CWH43: variants seen among roughly 807,000 people sequenced by gnomAD.
The protein encoded by CWH43 is PGAP2-interacting protein.
Under a neutral mutation model 85.7 loss-of-function variants are expected in CWH43, and 91 were observed. The ratio of observed to expected loss-of-function variants is 1.06; its 90% CI spans 0.90 to 1.26. CWH43 has a LOEUF of 1.26. Among genes scored for constraint, CWH43 ranks in the 50% most tolerant of loss-of-function variants. The probability of loss-of-function intolerance (pLI) is 0.00; values close to 1 mark genes in which losing one functional copy is unlikely to be tolerated. For synonymous variants in CWH43, 323 were observed against 293.6 expected, an observed-to-expected ratio of 1.10 and a Z score of -1.02; for missense variants, 869 against 839.2, an observed-to-expected ratio of 1.04 and a Z score of -0.44.
intron 8 of CWH43, among the ~76,000 whole-genome samples, chr4:49,008,140 C>T (rs555976183): frequency 6.6e-6 from 1 of 152,248 alleles, no homozygotes; most frequent in Non-Finnish European, 1.5e-5. Context: ...TCTGTTGTTT[C>T]CTGAGTTTTT....
chr4:49,019,578 G>T (rs536081582), intron 9 of CWH43, among the ~76,000 whole-genome samples: 8 of 148,450 alleles, frequency 5.4e-5, no homozygotes, highest in South Asian at 4.3e-4. Context: ...AATGTCAATA[G>T]TTTTTTTTTT....
chr4:48,995,970 C>T (rs1316570606), intron 5 of CWH43, among the ~76,000 whole-genome samples: 2 of 151,880 alleles, frequency 1.3e-5, no homozygotes, highest in African/African-American at 2.4e-5. Context: ...AGTTCCCCCC[C>T]ACCAATACCT....
intron 6 of CWH43, chr4:49,003,473 C>G (rs1005371896): frequency 6.2e-5 from 25 of 401,248 alleles, no homozygotes; most frequent in Non-Finnish European, 1.1e-4. Context: ...CTAAAAATAC[C>G]CTTTTCACTC....
At chr4:49,005,994 T>C (rs934970701) in intron 7 of CWH43, among the ~76,000 whole-genome samples, 6 of 152,242 alleles carry the variant, frequency 3.9e-5, no homozygotes, top group African/African-American at 1.2e-4. Context: ...GAATTTGGTA[T>C]TTCTGGTAAA....
chr4:49,039,565 A>G (rs2109821538), intron 13 of CWH43, among the ~76,000 whole-genome samples: 1 of 150,050 alleles, frequency 6.7e-6, no homozygotes, highest in African/African-American at 2.4e-5. Flanking sequence ...TCTTGAGATA[A>G]TATCTGCAGA....
At chr4:49,004,883 A>G (rs1182871890) in intron 7 of CWH43, among the ~76,000 whole-genome samples, 1 of 152,184 alleles carries the variant, frequency 6.6e-6, no homozygotes, top group Non-Finnish European at 1.5e-5. Context: ...TTATAATTTC[A>G]TAAACTTAGT....
rs139269375 is a variant in CWH43 at position 48,998,939 on chromosome 4, T to C, written c.802+391T>C. Among the ~76,000 whole-genome samples, 36 of 152,316 alleles carry C rather than the reference T, an allele frequency of 2.4e-4. 1 individual carries two copies. Among genetic ancestry groups the C allele is most frequent in the African/African-American group, 8.7e-4 (36 of 41,580 alleles). On this transcript the variant is annotated intron_variant, in intron 6 of 15. Coordinates refer to ENST00000226432, the MANE Select transcript of CWH43 (RefSeq NM_025087.3). ...ATGGGTTACAAGTGAGATTGACTGA[T>C]TGATAACTTTTAAGTTCAGGGGTAC...
Position 49,030,965 on chromosome 4 carries a change from G to A in CWH43, c.1508+5G>A. On this transcript the variant is annotated splice_donor_5th_base_variant and intron_variant, in intron 11 of 15. Transcript: ENST00000226432. Reference sequence around the variant, plus strand: ...CACAAGGTATCACACTTGGGGGTGAGTATACCTTGGGAGTTAATCCCGAAG... The same window carrying A: ...CACAAGGTATCACACTTGGGGGTGAATATACCTTGGGAGTTAATCCCGAAG... 12 of 1,575,830 alleles carry A rather than the reference G, an allele frequency of 7.6e-6. No individual in the cohort carries two copies. Among genetic ancestry groups the A allele is most frequent in the Non-Finnish European group, 9.4e-6 (11 of 1,166,778 alleles).
intron 15 of CWH43, among the ~76,000 whole-genome samples, chr4:49,056,892 A>G: frequency 6.6e-6 from 1 of 151,748 alleles, no homozygotes; most frequent in East Asian, 1.9e-4. Context: ...TTTCCTTTTG[A>G]TTTCTTCTTT....
At chr4:49,008,699 C>A (rs1173753449) in intron 8 of CWH43, among the ~76,000 whole-genome samples, 1 of 152,204 alleles carries the variant, frequency 6.6e-6, no homozygotes, top group Non-Finnish European at 1.5e-5. Context: ...ATATGGCTAG[C>A]CAGTTTTCCC....
In CWH43 at chr4:49,003,975, G is replaced by A; in HGVS notation, c.1043G>A (p.Arg348Lys). 6.2e-7 allele frequency: 1 copy of A among 1,611,402 alleles called. No homozygotes were observed. ...CCAGGAGGTGTCTACGCTAGAGAAA[G>A]ATCAGATGTGCTTTTGGGTGAGTAC... is the stretch of plus-strand genomic sequence containing the variant. ...FVPGGVYARE[R>K]SDVLLGTMML... The change falls in exon 7 of 16, where the codon AGA (arginine) becomes AAA (lysine). Residue 348 changes from arginine to lysine, a missense_variant. Arg to Lys is a conservative substitution (Grantham distance 26). Coordinates refer to ENST00000226432, the MANE Select transcript of CWH43 (RefSeq NM_025087.3).
chr4:48,991,637 T>G (rs1432606075), intron 3 of CWH43, 63 bp downstream of exon 3: 8 of 1,575,406 alleles, frequency 5.1e-6, no homozygotes, highest in Non-Finnish European at 8.6e-7. Context: ...AAGGGAAACC[T>G]GGGGCCAGGA....
Position 48,988,634 on chromosome 4 carries a change from G to A in CWH43, c.201G>A (p.Lys67=), listed in dbSNP as rs773876093. The A allele has an allele frequency of 1.9e-6, 3 of 1,612,398 alleles. No homozygotes were observed. The highest frequency in any genetic ancestry group is 4.5e-5 in the East Asian group (2 of 44,868). ...ITPFWKLVNK[K]WMLTLLRIIT... is the part of the protein sequence containing the mutation. The stretch of plus-strand genomic sequence containing the variant: ...CTTTCTGGAAATTGGTTAACAAGAA[G>A]TGGATGCTAACCCTGCTGAGGATAA... Residue 67 remains lysine, a synonymous_variant, in exon 2 of 16, where the codon AAG becomes AAA. Coordinates refer to ENST00000226432, the MANE Select transcript of CWH43 (RefSeq NM_025087.3).
chr4:49,052,566 A>G (rs149615745), intron 15 of CWH43, among the ~76,000 whole-genome samples: 39 of 152,318 alleles, frequency 2.6e-4, no homozygotes, highest in African/African-American at 8.4e-4. Context: ...AAAAAATCAG[A>G]GAAGAAAAGG....
At chr4:49,028,386 C>G (rs534169226) in intron 9 of CWH43, among the ~76,000 whole-genome samples, 4 of 152,254 alleles carry the variant, frequency 2.6e-5, no homozygotes, top group African/African-American at 9.6e-5. Context: ...GTGCTTATTA[C>G]AAAACTCACT....
chr4:48,994,603 T>C lies in CWH43; in HGVS notation c.512-16T>C, dbSNP rs1304505065. 2 of 1,599,870 alleles carry C rather than the reference T, an allele frequency of 1.3e-6. No homozygotes were observed. Among genetic ancestry groups the C allele is most frequent in the African/African-American group, 2.7e-5 (2 of 73,982 alleles). Reference sequence around the variant, plus strand: ...TATAACTAAACTTTTTCCATATATGTATTTTTAAATTCTAGATGGTGACTG... The same window carrying C: ...TATAACTAAACTTTTTCCATATATGCATTTTTAAATTCTAGATGGTGACTG... On this transcript the variant is annotated splice_polypyrimidine_tract_variant and intron_variant, in intron 4 of 15. Coordinates refer to ENST00000226432, the MANE Select transcript of CWH43 (RefSeq NM_025087.3).
At chr4:49,057,923 TC>T (rs2109850952) in intron 15 of CWH43, among the ~76,000 whole-genome samples, 1 of 152,342 alleles carries the variant, frequency 6.6e-6, no homozygotes, top group Admixed American at 6.5e-5. Flanking sequence ...AGTAGAGCCA[TC>T]CCACATCTCT....
intron 3 of CWH43, 101 bp downstream of exon 3, chr4:48,991,675 T>TA: frequency 1.5e-6 from 2 of 1,357,276 alleles, no homozygotes; most frequent in Non-Finnish European, 2.0e-6. Context: ...TTACCTTCCA[T>TA]ATGGCTTTGT....
intron 8 of CWH43, chr4:49,016,864 T>C: frequency 6.4e-6 from 5 of 783,954 alleles, no homozygotes; most frequent in South Asian, 5.4e-5. Flanking sequence ...ACATGCCTTC[T>C]CTCCGAGTGC....
Sources: allele counts gnomAD v4.1 joint callset (sites outside exome capture counted in the v4.1 genomes callset), GRCh38; gene constraint gnomAD v4.1.1; transcripts MANE v1.5; gene names NCBI Gene and HGNC (gene_info 2026-07-23, HGNC 2026-07-21).